The following THSD7B variants were observed in gnomAD, a reference collection of about 807,000 sequenced individuals.
The protein encoded by THSD7B is thrombospondin type 1 domain containing 7B.
THSD7B carries 138 observed loss-of-function variants against 213.6 expected under a neutral mutation model. That is an observed-to-expected ratio of 0.65 (90% CI 0.56 to 0.74). The LOEUF (loss-of-function observed/expected upper bound fraction) is 0.74. THSD7B is among the 30% of genes least tolerant of loss of function. The pLI is 0.00. For missense variants in THSD7B, 1,931 were observed against 1,991.5 expected, an observed-to-expected ratio of 0.97 and a Z score of 0.58; for synonymous variants, 742 against 687.0, an observed-to-expected ratio of 1.08 and a Z score of -1.25.
intron 20 of THSD7B, among the ~76,000 whole-genome samples, chr2:137,630,461 C>T (rs899674050): frequency 1.3e-5 from 2 of 152,188 alleles, no homozygotes; most frequent in Admixed American, 1.3e-4. Flanking sequence ...AGCCTTCCTG[C>T]TCCAGTCTGT....
intron 15 of THSD7B, among the ~76,000 whole-genome samples, chr2:137,546,378 T>TATTATATATATA (rs1680714295): frequency 3.6e-5 from 1 of 27,882 alleles, no homozygotes; most frequent in Non-Finnish European, 5.7e-5. Context: ...ATATATATAA[T>TATTATATATATA]ATATATATTA....
intron 1 of THSD7B, among the ~76,000 whole-genome samples, chr2:136,807,514 T>TTTCTTTTC: frequency 7.2e-6 from 1 of 139,350 alleles, no homozygotes; most frequent in African/African-American, 2.7e-5. Context: ...GTTTCGTTTT[T>TTTCTTTTC]TTTTTTTTTT....
intron 2 of THSD7B, among the ~76,000 whole-genome samples, chr2:136,896,680 C>T (rs1379257404): frequency 2.6e-5 from 4 of 152,126 alleles, no homozygotes; most frequent in African/African-American, 9.6e-5. Flanking sequence ...AGTTTTAACT[C>T]TTACATTTAA....
At chr2:137,207,810 CT>C (rs1681017588) in intron 7 of THSD7B, among the ~76,000 whole-genome samples, 1 of 152,080 alleles carries the variant, frequency 6.6e-6, no homozygotes, top group African/African-American at 2.4e-5. Flanking sequence ...GAAGTATATA[CT>C]GATCTCTGCT....
At chr2:137,595,485 A>G (rs577548115) in intron 17 of THSD7B, among the ~76,000 whole-genome samples, 2 of 152,118 alleles carry the variant, frequency 1.3e-5, no homozygotes, top group East Asian at 3.9e-4. Flanking sequence ...CAAAGGGGTG[A>G]GGTAACACAT....
At chr2:137,556,356 C>T (rs2105214085) in intron 15 of THSD7B, among the ~76,000 whole-genome samples, 1 of 152,262 alleles carries the variant, frequency 6.6e-6, no homozygotes, top group African/African-American at 2.4e-5. Flanking sequence ...AGCAGAAACT[C>T]TACAAGCCAA....
chr2:137,099,752 T>A (rs10165988), intron 4 of THSD7B, among the ~76,000 whole-genome samples: 1 of 152,122 alleles, frequency 6.6e-6, no homozygotes, highest in Non-Finnish European at 1.5e-5. Context: ...AGTAAAACTC[T>A]TAAGAAAATC....
intron 3 of THSD7B, among the ~76,000 whole-genome samples, chr2:137,089,409 C>T (rs937494028): frequency 1.9e-3 from 241 of 125,938 alleles, no homozygotes; most frequent in African/African-American, 7.3e-3. Context: ...TATACATATA[C>T]ACACACATAT....
chr2:137,163,098 G>T (rs1252117455), intron 6 of THSD7B, among the ~76,000 whole-genome samples: 1 of 152,074 alleles, frequency 6.6e-6, no homozygotes, highest in Non-Finnish European at 1.5e-5. Context: ...ACTGGCCCAT[G>T]GAACTTCAGA....
At chr2:137,546,331 C>T (rs569449939) in intron 15 of THSD7B, among the ~76,000 whole-genome samples, 10 of 105,026 alleles carry the variant, frequency 9.5e-5, no homozygotes, top group Middle Eastern at 4.7e-3. Context: ...TGTGTTCATG[C>T]ATTCAGTATT....
At chr2:137,064,351 A>G (rs922862879) in intron 3 of THSD7B, among the ~76,000 whole-genome samples, 12 of 151,800 alleles carry the variant, frequency 7.9e-5, no homozygotes, top group African/African-American at 2.9e-4. Context: ...TTTAAATTGT[A>G]TTATTATATT....
intron 5 of THSD7B, among the ~76,000 whole-genome samples, chr2:137,127,643 T>C (rs1347078408): frequency 2.6e-5 from 4 of 151,800 alleles, no homozygotes; most frequent in Non-Finnish European, 5.9e-5. Context: ...TAAACACTAG[T>C]TTATGGCTCA....
intron 15 of THSD7B, among the ~76,000 whole-genome samples, chr2:137,549,817 A>G (rs763971396): frequency 2.6e-5 from 4 of 152,068 alleles, no homozygotes; most frequent in Non-Finnish European, 4.4e-5. Context: ...TTCACTTAGC[A>G]TAGTGTCCTC....
rs754709145 is a variant in THSD7B at position 137,667,779 on chromosome 2, C to T, written c.4657C>T (p.Arg1553Ter). The T allele has an allele frequency of 3.7e-6, 6 of 1,602,438 alleles. No individual in the cohort carries two copies. The highest frequency in any genetic ancestry group is 1.1e-5 in the South Asian group (1 of 88,994). ...GTTATCTCTATTTTAAACAGATGGC[C>T]GAGTAAAAATTTGGGTTTATGGCGT... Reference protein sequence around the residue: ...WSLQPLDPDGRVKIWVYGVSG... With the variant: ...WSLQPLDPDG Residue 1553 changes from arginine to a stop codon, truncating the protein, a stop_gained, in exon 27 of 28, where the codon CGA (arginine) becomes TGA (stop). Coordinates refer to ENST00000409968, the MANE Select transcript of THSD7B (RefSeq NM_001316349.2). LOFTEE classifies it high-confidence loss of function.
chr2:137,454,775 A>G (rs1007155820), intron 15 of THSD7B, among the ~76,000 whole-genome samples: 1 of 152,070 alleles, frequency 6.6e-6, no homozygotes, highest in African/African-American at 2.4e-5. Context: ...GCTTTTTTAT[A>G]AAGTTCAATT....
intron 6 of THSD7B, among the ~76,000 whole-genome samples, chr2:137,163,793 G>A (rs1489116862): frequency 3.9e-5 from 6 of 152,182 alleles, no homozygotes; most frequent in Non-Finnish European, 8.8e-5. Context: ...CAAGGATACA[G>A]CACTTCACAA....
chr2:137,428,721 G>C lies in THSD7B; in HGVS notation c.2959+16849G>C, dbSNP rs866040150. ...AAGTAGTATGTGGTTCTATTTACAT[G>C]AAATATCCAGAATAGGCTAATTTAC... On this transcript the variant is annotated intron_variant, in intron 14 of 27. Transcript: ENST00000409968. Among the ~76,000 whole-genome samples, 8 of 152,276 alleles carry C rather than the reference G, an allele frequency of 5.3e-5. 1 individual carries two copies. In the Middle Eastern group the frequency reaches 0.02, roughly 388 times the overall value.
chr2:137,673,517 A>G (rs990662910), intron 27 of THSD7B, among the ~76,000 whole-genome samples: 1 of 152,190 alleles, frequency 6.6e-6, no homozygotes, highest in Non-Finnish European at 1.5e-5. Flanking sequence ...GGAGGTGAAC[A>G]TACCTTTTCT....
At chr2:137,040,320 G>A (rs552859408) in intron 2 of THSD7B, among the ~76,000 whole-genome samples, 3 of 152,078 alleles carry the variant, frequency 2.0e-5, no homozygotes, top group South Asian at 2.1e-4. Flanking sequence ...TCCTCTAGGT[G>A]GAAGCTAGAG....
Sources: allele counts gnomAD v4.1 joint callset (sites outside exome capture counted in the v4.1 genomes callset), GRCh38; gene constraint gnomAD v4.1.1; transcripts MANE v1.5; gene names NCBI Gene and HGNC (gene_info 2026-07-23, HGNC 2026-07-21).